The following KCNIP1 variants were observed in gnomAD, a reference collection of about 807,000 sequenced individuals.
The protein encoded by KCNIP1 is A-type potassium channel modulatory protein KCNIP1.
In KCNIP1, 18 loss-of-function variants were observed where a neutral mutation model predicts 33.0. The observed-to-expected ratio is 0.55, with a 90% CI of 0.38 to 0.81. The LOEUF (loss-of-function observed/expected upper bound fraction) is 0.81. KCNIP1 is among the 30% of genes least tolerant of loss of function. The pLI, the probability that KCNIP1 is intolerant of heterozygous loss-of-function variation, is 0.00. For synonymous variants in KCNIP1, 93 were observed against 98.3 expected (o/e 0.95, Z 0.32); for missense variants, 238 against 271.6 (o/e 0.88, Z 0.87).
At chr5:170,542,157 C>G (rs577877007) in intron 1 of KCNIP1, among the ~76,000 whole-genome samples, 4 of 152,286 alleles carry the variant, frequency 2.6e-5, no homozygotes, top group African/African-American at 9.6e-5. Flanking sequence ...CTGACTTAAG[C>G]AACAATTCAG....
chr5:170,466,369 G>A (rs879766350), intron 1 of KCNIP1, among the ~76,000 whole-genome samples: 1 of 152,174 alleles, frequency 6.6e-6, no homozygotes, highest in Non-Finnish European at 1.5e-5. Flanking sequence ...TAGGTTTGGG[G>A]CTTAGAAGAA....
Position 170,387,969 on chromosome 5 carries a change from A to G in KCNIP1, c.88+34005A>G, listed in dbSNP as rs73800653. Among the ~76,000 whole-genome samples the G allele has an allele frequency of 2.5e-3, 386 of 152,326 alleles. 1 individual carries two copies. The highest frequency in any genetic ancestry group is 8.7e-3 in the African/African-American group (362 of 41,578). ...ACAAAGCCATTTCTCTCCTGGGGGA[A>G]CTGGATCGCACCTGTGGGGGCTTCC... On this transcript the variant is annotated intron_variant, in intron 1 of 7. Transcript: ENST00000377360.
At chr5:170,649,499 C>G (rs1760945854) in intron 1 of KCNIP1, among the ~76,000 whole-genome samples, 1 of 151,754 alleles carries the variant, frequency 6.6e-6, no homozygotes, top group Non-Finnish European at 1.5e-5. Flanking sequence ...TGCTCTGCTC[C>G]CCAAGCCATG....
At chr5:170,390,517 A>AAAAAAAAAAAAAAAATATATAT in intron 1 of KCNIP1, among the ~76,000 whole-genome samples, 13 of 74,534 alleles carry the variant, frequency 1.7e-4, no homozygotes, top group Non-Finnish European at 2.7e-4. Flanking sequence ...AAAAAAAACA[A>AAAAAAAAAAAAAAAATATATAT]ATATATATAT....
At chr5:170,490,559 A>T (rs558495403) in intron 1 of KCNIP1, among the ~76,000 whole-genome samples, 1 of 152,168 alleles carries the variant, frequency 6.6e-6, no homozygotes, top group Admixed American at 6.5e-5. Flanking sequence ...TGACTTTGAC[A>T]TTGTCCTGTG....
intron 1 of KCNIP1, among the ~76,000 whole-genome samples, chr5:170,366,441 G>A (rs965824890): frequency 6.6e-5 from 10 of 152,236 alleles, no homozygotes; most frequent in African/African-American, 1.9e-4. Flanking sequence ...GCAAGCTCTG[G>A]CACTACCTTT....
intron 1 of KCNIP1, among the ~76,000 whole-genome samples, chr5:170,416,929 C>A (rs1755346883): frequency 6.6e-6 from 1 of 152,162 alleles, no homozygotes; most frequent in Non-Finnish European, 1.5e-5. Context: ...TAAATAATAT[C>A]CTCTTTTTAA....
exon 1 of KCNIP1, chr5:170,353,838 C>G: frequency 6.3e-7 from 1 of 1,598,650 alleles, no homozygotes; most frequent in Non-Finnish European, 8.6e-7. Context: ...ACTGTCCCTT[C>G]TGGGTGCTGA....
intron 1 of KCNIP1, among the ~76,000 whole-genome samples, chr5:170,626,654 C>G (rs1759839465): frequency 6.6e-6 from 1 of 152,190 alleles, no homozygotes; most frequent in Non-Finnish European, 1.5e-5. Flanking sequence ...CAGGACCTGG[C>G]CCCCAGGTCT....
intron 1 of KCNIP1, among the ~76,000 whole-genome samples, chr5:170,676,359 G>A (rs1024518802): frequency 9.2e-5 from 14 of 152,198 alleles, no homozygotes; most frequent in Admixed American, 1.3e-4. Flanking sequence ...AAGAACACAC[G>A]AATCATTTTC....
chr5:170,517,825 G>A (rs1260479700), intron 1 of KCNIP1, among the ~76,000 whole-genome samples: 1 of 140,532 alleles, frequency 7.1e-6, no homozygotes, highest in African/African-American at 2.6e-5. Context: ...TGGTTATGGA[G>A]GTGGTGATGG....
At chr5:170,673,380 CGA>C (rs1246946262) in intron 1 of KCNIP1, among the ~76,000 whole-genome samples, 6 of 152,208 alleles carry the variant, frequency 3.9e-5, no homozygotes, top group African/African-American at 1.4e-4. Flanking sequence ...GTGATGATGA[CGA>C]CCATGACAGC....
upstream of KCNIP1, among the ~76,000 whole-genome samples, chr5:170,501,228 T>A (rs1302373069): frequency 6.6e-6 from 1 of 151,960 alleles, no homozygotes; most frequent in Admixed American, 6.5e-5. Flanking sequence ...GGAGATGACA[T>A]CTGCAGTAGA....
At chr5:170,615,653 G>A (rs1448953554) in intron 1 of KCNIP1, among the ~76,000 whole-genome samples, 1 of 152,164 alleles carries the variant, frequency 6.6e-6, no homozygotes, top group Non-Finnish European at 1.5e-5. Flanking sequence ...CCCTCCACTT[G>A]CCATGGTAAC....
rs1397033725 is a variant in KCNIP1 at position 170,732,899 on chromosome 5, T to C, written c.535T>C (p.Phe179Leu). Reference protein sequence around the residue: ...DTPRQHVDVFFQKMDKNKDGI... With the variant: ...DTPRQHVDVFLQKMDKNKDGI... Reference sequence around the variant, plus strand: ...TCCAAGGCAGCATGTGGACGTCTTCTTCCAGGTAAGTGCACACACCCTGCA... The same window carrying C: ...TCCAAGGCAGCATGTGGACGTCTTCCTCCAGGTAAGTGCACACACCCTGCA... The change falls in exon 6 of 8, where the codon TTC becomes CTC. Residue 179 changes from phenylalanine (F) to leucine (L), a missense_variant. Phe to Leu is a conservative substitution (Grantham distance 22). Coordinates refer to ENST00000328939, the MANE Select transcript of KCNIP1 (RefSeq NM_014592.4). 3 of 1,604,658 alleles carry C rather than the reference T, an allele frequency of 1.9e-6. No individual in the cohort carries two copies. Among genetic ancestry groups the C allele is most frequent in the Non-Finnish European group, 2.6e-6 (3 of 1,171,598 alleles).
At chr5:170,533,416 A>G (rs1755855482) in intron 1 of KCNIP1, among the ~76,000 whole-genome samples, 1 of 152,192 alleles carries the variant, frequency 6.6e-6, no homozygotes, top group Non-Finnish European at 1.5e-5. Flanking sequence ...CTGATCCTTC[A>G]GCTCTGGAAA....
chr5:170,426,276 C>T (rs1581181191), intron 1 of KCNIP1, among the ~76,000 whole-genome samples: 2 of 149,128 alleles, frequency 1.3e-5, no homozygotes, highest in South Asian at 4.2e-4. Flanking sequence ...CACACACAAA[C>T]ACACACACAC....
chr5:170,537,581 G>T (rs1291875320), intron 1 of KCNIP1, among the ~76,000 whole-genome samples: 1 of 152,220 alleles, frequency 6.6e-6, no homozygotes, highest in Non-Finnish European at 1.5e-5. Flanking sequence ...GACCTGGGAG[G>T]ACTCTGTGAA....
At chr5:170,543,190 G>A (rs1487472382) in intron 1 of KCNIP1, among the ~76,000 whole-genome samples, 1 of 152,160 alleles carries the variant, frequency 6.6e-6, no homozygotes, top group African/African-American at 2.4e-5. Context: ...TGAATACTGG[G>A]GGACATGAGC....
Sources: gnomAD v4.1 joint callset for allele counts (sites outside exome capture counted in the v4.1 genomes callset) on GRCh38, gnomAD v4.1.1 for gene constraint, MANE v1.5 for transcripts, NCBI Gene and HGNC (gene_info 2026-07-23, HGNC 2026-07-21) for gene names.